The following CARMIL1 variants were observed in gnomAD, a reference collection of about 807,000 sequenced individuals.
The protein encoded by CARMIL1 is capping protein regulator and myosin 1 linker 1, also known as F-actin-uncapping protein LRRC16A.
CARMIL1 carries 90 observed loss-of-function variants against 177.1 expected under a neutral mutation model. The observed-to-expected ratio is 0.51, with a 90% CI of 0.43 to 0.61. The LOEUF is 0.61. Ranked by LOEUF, CARMIL1 falls within the 20% of genes least tolerant of loss-of-function variation. The probability of loss-of-function intolerance (pLI) is 0.00; values close to 1 mark genes in which losing one functional copy is unlikely to be tolerated. For synonymous variants in CARMIL1, 577 were observed against 606.2 expected (o/e 0.95, Z 0.71); for missense variants, 1,380 against 1,667.0 (o/e 0.83, Z 3.00).
At chr6:25,329,031 A>G (rs187817524) in intron 2 of CARMIL1, among the ~76,000 whole-genome samples, 30 of 152,308 alleles carry the variant, frequency 2.0e-4, no homozygotes, top group Non-Finnish European at 3.7e-4. Context: ...ACAAAAGTTT[A>G]TAAGAATCAG....
Position 25,451,997 on chromosome 6 carries a change from C to G in CARMIL1, c.614+1286C>G, listed in dbSNP as rs558878929. ...ATCACTAGCATCTTGCCCCCCCCTC[C>G]CCCCCCCAGAATACTGTTTTGAATT... is the stretch of plus-strand genomic sequence containing the variant. On this transcript the variant is annotated intron_variant, in intron 8 of 36. Coordinates refer to ENST00000329474, the MANE Select transcript of CARMIL1 (RefSeq NM_017640.6). 2.3e-4 allele frequency: 28 copies of G among 124,014 alleles called. 2 individuals carry two copies. The highest frequency in any genetic ancestry group is 1.8e-3 in the Admixed American group (22 of 12,550). 7.7% of individuals were successfully genotyped at this position (124,014 alleles called of 1,614,324 possible).
intron 2 of CARMIL1, among the ~76,000 whole-genome samples, chr6:25,383,953 C>T (rs1482250651): frequency 6.6e-6 from 1 of 152,174 alleles, no homozygotes; most frequent in Non-Finnish European, 1.5e-5. Context: ...ATTCTCCCTG[C>T]CTCAGCCTCC....
chr6:25,362,147 C>T (rs574176643), intron 2 of CARMIL1, among the ~76,000 whole-genome samples: 1 of 152,168 alleles, frequency 6.6e-6, no homozygotes, highest in East Asian at 1.9e-4. Flanking sequence ...AGCAGCTCCC[C>T]CTCAGGCCAG....
At chr6:25,357,075 TG>T (rs1350299580) in intron 2 of CARMIL1, among the ~76,000 whole-genome samples, 6 of 144,878 alleles carry the variant, frequency 4.1e-5, no homozygotes, top group African/African-American at 1.6e-4. Flanking sequence ...GAAGTCATTG[TG>T]TTTTTTTTTT....
At chr6:25,369,896 G>C (rs1332954281) in intron 2 of CARMIL1, 1 of 152,208 alleles carries the variant, frequency 6.6e-6, no homozygotes, top group Non-Finnish European at 1.5e-5. Flanking sequence ...AGGAGAGAAG[G>C]TAGGTAGGTT....
chr6:25,576,428 C>CA (rs11450048), intron 29 of CARMIL1, among the ~76,000 whole-genome samples: 5,737 of 152,076 alleles, frequency 0.038, 318 homozygotes, highest in African/African-American at 0.12. Context: ...ACTGAAGAGG[C>CA]AAAAGAATTC....
chr6:25,587,468 C>T (rs763195561), intron 31 of CARMIL1, among the ~76,000 whole-genome samples: 16 of 152,064 alleles, frequency 1.1e-4, no homozygotes, highest in Admixed American at 2.6e-4. Flanking sequence ...GCATTGCCTA[C>T]GTCGTTGAGT....
chr6:25,495,313 A>G, intron 16 of CARMIL1, 98 bp downstream of exon 16: 1 of 758,738 alleles, frequency 1.3e-6, no homozygotes, highest in Non-Finnish European at 2.1e-6. Context: ...TCCAAAGACA[A>G]AAACCACAGA....
intron 2 of CARMIL1, among the ~76,000 whole-genome samples, chr6:25,289,897 A>G (rs1466082236): frequency 6.6e-6 from 1 of 152,188 alleles, no homozygotes; most frequent in Non-Finnish European, 1.5e-5. Flanking sequence ...TTGTGTACAG[A>G]TTTTTGAGTG....
intron 33 of CARMIL1, among the ~76,000 whole-genome samples, chr6:25,602,907 A>G (rs1815580100): frequency 6.6e-6 from 1 of 152,214 alleles, no homozygotes; most frequent in Non-Finnish European, 1.5e-5. Context: ...TTTATTGACA[A>G]AAGAGAGAAA....
At chr6:25,355,988 G>T (rs1788554768) in intron 2 of CARMIL1, among the ~76,000 whole-genome samples, 1 of 151,344 alleles carries the variant, frequency 6.6e-6, no homozygotes. Context: ...CCTGCAAAAT[G>T]CCCCTAGCTT....
intron 8 of CARMIL1, 148 bp downstream of exon 8, chr6:25,450,859 C>T (rs1798782256): frequency 3.6e-6 from 2 of 549,016 alleles, no homozygotes; most frequent in East Asian, 6.2e-5. Flanking sequence ...CCTCCCCTCC[C>T]TTCCCTTCCC....
chr6:25,344,279 A>T (rs890730935), intron 2 of CARMIL1, among the ~76,000 whole-genome samples: 1 of 152,072 alleles, frequency 6.6e-6, no homozygotes, highest in Admixed American at 6.6e-5. Context: ...CATTGAATCC[A>T]TCACGTCTTC....
intron 2 of CARMIL1, among the ~76,000 whole-genome samples, chr6:25,347,938 T>A (rs1230005513): frequency 1.3e-5 from 2 of 152,216 alleles, no homozygotes; most frequent in Non-Finnish European, 2.9e-5. Flanking sequence ...GTTAAGTTAA[T>A]GCTGTGGTGA....
intron 2 of CARMIL1, among the ~76,000 whole-genome samples, chr6:25,380,051 G>T (rs933494122): frequency 6.6e-6 from 1 of 151,690 alleles, no homozygotes; most frequent in Non-Finnish European, 1.5e-5. Flanking sequence ...TAAATTAGGT[G>T]GCAAGAAAGG....
In CARMIL1 at chr6:25,434,919, T is replaced by C. The variant is rs141638416; in HGVS notation, c.250-564T>C. Among the ~76,000 whole-genome samples, 44 of 152,310 alleles carry C rather than the reference T, an allele frequency of 2.9e-4. 1 individual carries two copies. The East Asian group carries it at 8.3e-3, about 29-fold the overall frequency. On this transcript the variant is annotated intron_variant, in intron 4 of 36. Transcript: ENST00000329474. Reference sequence around the variant, plus strand: ...GGTTTTAACATTTTATTTAAGCATATGATAAGGTTTCTTGTCTTTAAAATG... The same window carrying C: ...GGTTTTAACATTTTATTTAAGCATACGATAAGGTTTCTTGTCTTTAAAATG...
chr6:25,284,737 A>C, intron 1 of CARMIL1, 75 bp from the exon 2 acceptor site: 1 of 824,304 alleles, frequency 1.2e-6, no homozygotes, highest in Non-Finnish European at 2.0e-6. Context: ...AAACAACCAA[A>C]TATACTCCTC....
At chr6:25,566,700 A>G (rs1332179920) in intron 29 of CARMIL1, among the ~76,000 whole-genome samples, 2 of 152,226 alleles carry the variant, frequency 1.3e-5, no homozygotes, top group African/African-American at 2.4e-5. Context: ...GCCTGGCACA[A>G]AATTGCTAAG....
chr6:25,411,078 A>G (rs988956977), intron 2 of CARMIL1, among the ~76,000 whole-genome samples: 4 of 152,164 alleles, frequency 2.6e-5, no homozygotes, highest in East Asian at 1.9e-4. Flanking sequence ...TGAACTTTAT[A>G]GTTATATTTT....
Sources: gnomAD v4.1 joint callset for allele counts (sites outside exome capture counted in the v4.1 genomes callset) on GRCh38, gnomAD v4.1.1 for gene constraint, MANE v1.5 for transcripts, NCBI Gene and HGNC (gene_info 2026-07-23, HGNC 2026-07-21) for gene names.